Variants in GRID2 observed in about 807,000 individuals in gnomAD.
GRID2 encodes the protein glutamate ionotropic receptor delta type subunit 2.
GRID2 carries 33 observed loss-of-function variants against 114.8 expected under a neutral mutation model. The observed-to-expected ratio is 0.29, with a 90% CI of 0.22 to 0.38. GRID2 has a LOEUF of 0.38. Ranked by LOEUF, GRID2 falls within the 10% of genes least tolerant of loss-of-function variation. The pLI, the probability that GRID2 is intolerant of heterozygous loss-of-function variation, is 1.00. For missense variants in GRID2, 1,184 were observed against 1,257.7 expected, an observed-to-expected ratio of 0.94 and a Z score of 0.89; for synonymous variants, 505 against 449.9, an observed-to-expected ratio of 1.12 and a Z score of -1.55.
At chr4:93,803,172 T>C (rs1206468863) in intron 1 of GRID2, among the ~76,000 whole-genome samples, 3 of 152,222 alleles carry the variant, frequency 2.0e-5, no homozygotes. Flanking sequence ...TCTTCCATTT[T>C]CTTAAGCAAA....
chr4:93,656,478 G>T (rs998945345), intron 14 of GRID2, among the ~76,000 whole-genome samples: 1 of 151,964 alleles, frequency 6.6e-6, no homozygotes. Flanking sequence ...AGATGATTAT[G>T]TCTGTTACTA....
At chr4:93,102,616 G>T (rs77774826) in intron 3 of GRID2, among the ~76,000 whole-genome samples, 1 of 151,856 alleles carries the variant, frequency 6.6e-6, no homozygotes, top group African/African-American at 2.4e-5. Context: ...TGACCATCCA[G>T]CAATGCAACC....
At chr4:93,056,010 T>A (rs1185429739) in intron 2 of GRID2, among the ~76,000 whole-genome samples, 1 of 151,882 alleles carries the variant, frequency 6.6e-6, no homozygotes, top group Non-Finnish European at 1.5e-5. Flanking sequence ...CTTTGCTGCC[T>A]TAATGATGCC....
At chr4:93,309,541 A>AAATAATAATAAT (rs144251678) in intron 8 of GRID2, among the ~76,000 whole-genome samples, 6 of 151,180 alleles carry the variant, frequency 4.0e-5, no homozygotes, top group African/African-American at 1.5e-4. Context: ...TTGTCTCAAA[A>AAATAATAATAAT]AATAATAATA....
intron 4 of GRID2, among the ~76,000 whole-genome samples, chr4:93,156,361 C>A (rs1737186125): frequency 6.6e-6 from 1 of 151,718 alleles, no homozygotes; most frequent in South Asian, 2.1e-4. Flanking sequence ...ACTATATGAT[C>A]TTGCTTTTTA....
At chr4:92,550,245 A>G (rs1445394984) in intron 1 of GRID2, among the ~76,000 whole-genome samples, 2 of 152,200 alleles carry the variant, frequency 1.3e-5, no homozygotes, top group Non-Finnish European at 1.5e-5. Context: ...AAATATGAAC[A>G]CATAGATTAT....
intron 8 of GRID2, among the ~76,000 whole-genome samples, chr4:93,381,215 T>C (rs1263567222): frequency 6.6e-6 from 1 of 152,104 alleles, no homozygotes; most frequent in African/African-American, 2.4e-5. Context: ...CTATACTTAG[T>C]AAACAATGAT....
At chr4:92,474,065 T>TA (rs1171869471) in intron 1 of GRID2, among the ~76,000 whole-genome samples, 1 of 151,086 alleles carries the variant, frequency 6.6e-6, no homozygotes, top group Non-Finnish European at 1.5e-5. Flanking sequence ...ATTTCAAGTA[T>TA]AAAATACATT....
At chr4:92,929,045 T>C (rs1167631128) in intron 2 of GRID2, among the ~76,000 whole-genome samples, 4 of 151,516 alleles carry the variant, frequency 2.6e-5, no homozygotes, top group African/African-American at 9.7e-5. Context: ...ATTTAGAATA[T>C]TAAATTAATG....
At chr4:92,531,073 C>T (rs1725330481) in intron 1 of GRID2, among the ~76,000 whole-genome samples, 1 of 151,870 alleles carries the variant, frequency 6.6e-6, no homozygotes, top group South Asian at 2.1e-4. Flanking sequence ...AATCACAATG[C>T]CTTGGATTTT....
chr4:92,977,210 C>T (rs1010263724), intron 2 of GRID2, among the ~76,000 whole-genome samples: 1 of 151,940 alleles, frequency 6.6e-6, no homozygotes, highest in Non-Finnish European at 1.5e-5. Context: ...GTAAAAAGTG[C>T]GATTAACAGG....
At chr4:93,046,343 C>G (rs1369776871) in intron 2 of GRID2, among the ~76,000 whole-genome samples, 1 of 151,990 alleles carries the variant, frequency 6.6e-6, no homozygotes, top group Non-Finnish European at 1.5e-5. Flanking sequence ...CCAGGATTCC[C>G]CCACTGAATT....
chr4:93,560,768 T>C (rs1022293305), intron 13 of GRID2, among the ~76,000 whole-genome samples: 3 of 152,088 alleles, frequency 2.0e-5, no homozygotes, highest in Non-Finnish European at 4.4e-5. Flanking sequence ...GCATGAGCCA[T>C]AGGGATGCCT....
chr4:92,319,557 T>A (rs1268437419), intron 1 of GRID2, among the ~76,000 whole-genome samples: 1 of 152,184 alleles, frequency 6.6e-6, no homozygotes, highest in African/African-American at 2.4e-5. Flanking sequence ...AGCTAATAGG[T>A]TCTCAACGCT....
intron 2 of GRID2, among the ~76,000 whole-genome samples, chr4:92,946,686 G>A (rs980314631): frequency 1.3e-5 from 2 of 152,030 alleles, no homozygotes; most frequent in Non-Finnish European, 2.9e-5. Flanking sequence ...CTGCAGAAAG[G>A]CCTTACATCA....
chr4:93,601,872 CT>C (rs1436855942), intron 13 of GRID2, among the ~76,000 whole-genome samples: 2 of 151,992 alleles, frequency 1.3e-5, no homozygotes, highest in South Asian at 4.1e-4. Context: ...TATATTACAC[CT>C]TTATTTTCTC....
chr4:92,674,054 C>T (rs1172484418), intron 2 of GRID2, among the ~76,000 whole-genome samples: 1 of 152,086 alleles, frequency 6.6e-6, no homozygotes, highest in Non-Finnish European at 1.5e-5. Context: ...CTGTTTATTA[C>T]AAGCTACTTT....
chr4:92,594,499 T>C (rs182029823), intron 2 of GRID2, among the ~76,000 whole-genome samples: 1 of 151,922 alleles, frequency 6.6e-6, no homozygotes, highest in Non-Finnish European at 1.5e-5. Flanking sequence ...GAAACGATCA[T>C]TATTTAGTGT....
In GRID2 at chr4:92,597,372, CA is replaced by C. The variant is rs1729004944; in HGVS notation, c.244+7087del. 3.9e-5 allele frequency among the ~76,000 whole-genome samples: 6 copies of C among 152,104 alleles called. No homozygotes were observed. In the South Asian group the frequency reaches 1.2e-3, roughly 31 times the overall value. ...ATTTGATATCATACTCTTGAAGTAACAGGTCTCTACTACAGTGAATGGATTG... is the reference window on the plus strand; with the variant it reads ...ATTTGATATCATACTCTTGAAGTAACGGTCTCTACTACAGTGAATGGATTG... On this transcript the variant is annotated intron_variant, in intron 2 of 15. Coordinates refer to ENST00000282020, the MANE Select transcript of GRID2 (RefSeq NM_001510.4).
Sources: allele counts gnomAD v4.1 joint callset (sites outside exome capture counted in the v4.1 genomes callset), GRCh38; gene constraint gnomAD v4.1.1; transcripts MANE v1.5; gene names NCBI Gene and HGNC (gene_info 2026-07-23, HGNC 2026-07-21).